MYRIP: variants seen among roughly 807,000 people sequenced by gnomAD.
MYRIP encodes the protein rab effector MyRIP.
In MYRIP, 49 loss-of-function variants were observed where a neutral mutation model predicts 98.0. That is an observed-to-expected ratio of 0.50 (90% confidence interval 0.40 to 0.63). MYRIP has a LOEUF of 0.63. Ranked by LOEUF, MYRIP falls within the 30% of genes least tolerant of loss-of-function variation. MYRIP has a pLI of 0.00. For synonymous variants in MYRIP, 404 were observed against 409.5 expected, an observed-to-expected ratio of 0.99 and a Z score of 0.16; for missense variants, 1,004 against 1,058.2, an observed-to-expected ratio of 0.95 and a Z score of 0.71.
chr3:40,220,554 TAAG>T (rs1952306546), intron 11 of MYRIP, among the ~76,000 whole-genome samples: 1 of 152,204 alleles, frequency 6.6e-6, no homozygotes, highest in Admixed American at 6.5e-5. Flanking sequence ...AAAGAATAGT[TAAG>T]AAGACATAGT....
intron 8 of MYRIP, chr3:40,173,229 T>C (rs1017190723): frequency 1.3e-5 from 2 of 152,186 alleles, no homozygotes; most frequent in Admixed American, 6.5e-5. Flanking sequence ...ATTATCCCCA[T>C]TTTACAAAGG....
At chr3:39,912,464 C>T (rs912716893) in intron 2 of MYRIP, among the ~76,000 whole-genome samples, 13 of 152,202 alleles carry the variant, frequency 8.5e-5, no homozygotes, top group African/African-American at 3.1e-4. Flanking sequence ...ATCTTAGCTG[C>T]TCCAATCAAA....
At chr3:40,253,460 T>G (rs1278409300) in intron 16 of MYRIP, among the ~76,000 whole-genome samples, 3 of 152,208 alleles carry the variant, frequency 2.0e-5, no homozygotes, top group Non-Finnish European at 4.4e-5. Flanking sequence ...GAAAACCCTA[T>G]GGAGCTTTAA....
chr3:40,000,779 C>T (rs1946501851), intron 2 of MYRIP, among the ~76,000 whole-genome samples: 1 of 152,142 alleles, frequency 6.6e-6, no homozygotes, highest in African/African-American at 2.4e-5. Flanking sequence ...ACAGATGGCC[C>T]TGGGAAGCCC....
At chr3:40,157,853 AT>A (rs1394169936) in intron 4 of MYRIP, among the ~76,000 whole-genome samples, 3 of 151,362 alleles carry the variant, frequency 2.0e-5, no homozygotes, top group African/African-American at 7.3e-5. Flanking sequence ...CCCCTTTATC[AT>A]TTTTTATTGC....
Position 40,251,106 on chromosome 3 carries a change from G to A in MYRIP, c.2428+607G>A, listed in dbSNP as rs776572555. ...ATGATCTGGCAATGCCAGTCATGTC[G>A]CCTTTATCTAATGGACATTTTCAAC... On this transcript the variant is annotated intron_variant, in intron 15 of 16. Transcript: ENST00000302541. Among the ~76,000 whole-genome samples the A allele has an allele frequency of 2.8e-4, 42 of 152,322 alleles. 1 individual carries two copies. Among genetic ancestry groups the A allele is most frequent in the East Asian group, 5.8e-4 (3 of 5,182 alleles).
At chr3:39,956,377 C>T (rs1295622797) in intron 2 of MYRIP, among the ~76,000 whole-genome samples, 2 of 152,186 alleles carry the variant, frequency 1.3e-5, no homozygotes, top group Non-Finnish European at 2.9e-5. Flanking sequence ...AAGAAACTCA[C>T]TCAAAACAAC....
chr3:39,911,025 A>T (rs1041899511), intron 2 of MYRIP, among the ~76,000 whole-genome samples: 4 of 152,100 alleles, frequency 2.6e-5, no homozygotes, highest in Admixed American at 6.5e-5. Flanking sequence ...TACACAGTTT[A>T]AAAAAAAGCA....
intron 2 of MYRIP, among the ~76,000 whole-genome samples, chr3:40,024,075 C>G (rs1214711320): frequency 6.6e-6 from 1 of 152,134 alleles, no homozygotes; most frequent in African/African-American, 2.4e-5. Context: ...GGTACTCGCT[C>G]TTGTCAAGGA....
chr3:40,112,577 C>T (rs1022313984), intron 3 of MYRIP, among the ~76,000 whole-genome samples: 10 of 152,186 alleles, frequency 6.6e-5, no homozygotes, highest in Non-Finnish European at 1.2e-4. Flanking sequence ...TTCTGGCCAT[C>T]GGTGAGCCTG....
At chr3:39,891,261 T>G (rs1292202468) in intron 1 of MYRIP, among the ~76,000 whole-genome samples, 1 of 152,104 alleles carries the variant, frequency 6.6e-6, no homozygotes, top group African/African-American at 2.4e-5. Flanking sequence ...ATTTTCATGA[T>G]CTTCTCTTGC....
chr3:40,085,697 A>G (rs1381274896), intron 3 of MYRIP, among the ~76,000 whole-genome samples: 1 of 152,232 alleles, frequency 6.6e-6, no homozygotes, highest in Non-Finnish European at 1.5e-5. Context: ...ATTAGTGGGT[A>G]AGGAAAGAAT....
chr3:39,925,674 TG>T (rs1420517022), intron 2 of MYRIP, among the ~76,000 whole-genome samples: 2 of 152,138 alleles, frequency 1.3e-5, no homozygotes, highest in African/African-American at 4.8e-5. Flanking sequence ...TTCTTTTTAA[TG>T]GCTGTGTAGT....
intron 12 of MYRIP, among the ~76,000 whole-genome samples, chr3:40,235,827 T>C (rs1952807662): frequency 6.6e-6 from 1 of 152,172 alleles, no homozygotes; most frequent in South Asian, 2.1e-4. Flanking sequence ...AGGAAGGGGA[T>C]GAATGGGGAA....
At chr3:40,209,698 A>G (rs1951869886) in intron 10 of MYRIP, among the ~76,000 whole-genome samples, 156 bp from the exon 11 acceptor site, 1 of 149,346 alleles carries the variant, frequency 6.7e-6, no homozygotes, top group African/African-American at 2.4e-5. Flanking sequence ...AGGTAAAACT[A>G]AAAGTCCATC....
chr3:39,893,984 A>G (rs1943546986), intron 1 of MYRIP, among the ~76,000 whole-genome samples: 1 of 152,180 alleles, frequency 6.6e-6, no homozygotes. Context: ...TTGTTTATTC[A>G]AATAATGTTT....
In MYRIP at chr3:39,922,918, C is replaced by T. The variant is rs546898295; in HGVS notation, c.110+21992C>T. On this transcript the variant is annotated intron_variant, in intron 2 of 16. Coordinates refer to ENST00000302541, the MANE Select transcript of MYRIP (RefSeq NM_015460.4). Reference sequence around the variant, plus strand: ...TATCAGGCAAAGATTTTAAAGCAGCCATGATTAAAAAATATATTTCAATGA... The same window carrying T: ...TATCAGGCAAAGATTTTAAAGCAGCTATGATTAAAAAATATATTTCAATGA... 2.3e-4 allele frequency among the ~76,000 whole-genome samples: 35 copies of T among 152,068 alleles called. No individual in the cohort carries two copies. In the South Asian group the frequency reaches 6.9e-3, roughly 30 times the overall value.
chr3:39,957,501 A>G (rs146040286), intron 2 of MYRIP, among the ~76,000 whole-genome samples: 40,395 of 152,070 alleles, frequency 0.27, 5,848 homozygotes, highest in Middle Eastern at 0.36. Flanking sequence ...AAAACTCTCA[A>G]TAAACTCGGT....
intron 3 of MYRIP, among the ~76,000 whole-genome samples, chr3:40,060,596 T>TGAGAGAGAGAGAGAGATAGAGAGAGA (rs1947989033): frequency 7.2e-6 from 1 of 138,794 alleles, no homozygotes; most frequent in Non-Finnish European, 1.6e-5. Flanking sequence ...TTTCTTTTTT[T>TGAGAGAGAGAGAGAGATAGAGAGAGA]GAGAGAGAGA....
Sources: allele counts gnomAD v4.1 joint callset (sites outside exome capture counted in the v4.1 genomes callset), GRCh38; gene constraint gnomAD v4.1.1; transcripts MANE v1.5; gene names NCBI Gene and HGNC (gene_info 2026-07-23, HGNC 2026-07-21).